Variants in KLHL29 observed in about 807,000 individuals in gnomAD.
KLHL29 encodes the protein kelch-like protein 29.
A neutral mutation model predicts 80.4 loss-of-function variants in KLHL29; 21 were observed. The observed-to-expected ratio is 0.26, with a 90% CI of 0.19 to 0.38. The LOEUF (loss-of-function observed/expected upper bound fraction) is 0.38. KLHL29 is among the 10% of genes least tolerant of loss of function. KLHL29 has a pLI of 1.00. For synonymous variants in KLHL29, 511 were observed against 526.8 expected (o/e 0.97, Z 0.41); for missense variants, 867 against 1,223.9 (o/e 0.71, Z 4.35).
intron 2 of KLHL29, among the ~76,000 whole-genome samples, chr2:23,506,331 T>C (rs1006271349): frequency 7.2e-5 from 11 of 152,118 alleles, no homozygotes; most frequent in Admixed American, 7.2e-4. Flanking sequence ...ACAGATTTGA[T>C]AGAGACACAT....
At position 23,669,966 on chromosome 2, in the gene KLHL29, CAGA is replaced by C. The variant is rs1670665046; in HGVS notation, c.941-14430_941-14428del. 6.6e-6 allele frequency among the ~76,000 whole-genome samples: 1 copy of C among 152,094 alleles called. No homozygotes were observed. The highest frequency in any genetic ancestry group is 1.5e-5 in the Non-Finnish European group (1 of 68,032). ...AAGCAGAGAGGGGTGTCAGTAAAGCCAGAAGCTCAGCTGAAATGGTAGGGACCC... is the reference window on the plus strand; with the variant it reads ...AAGCAGAGAGGGGTGTCAGTAAAGCCAGCTCAGCTGAAATGGTAGGGACCC... On this transcript the variant is annotated intron_variant, in intron 5 of 13. Coordinates refer to ENST00000486442, the MANE Select transcript of KLHL29 (RefSeq NM_052920.2). The surrounding 1 kb of genome is among the most constrained non-coding windows in gnomAD (Gnocchi z 4.3).
At chr2:23,495,927 C>G (rs1665248409) in intron 2 of KLHL29, among the ~76,000 whole-genome samples, 1 of 152,234 alleles carries the variant, frequency 6.6e-6, no homozygotes, top group Non-Finnish European at 1.5e-5. Flanking sequence ...GCTGTTCTTC[C>G]CCCACTGCTT....
At chr2:23,408,530 A>G (rs888539024) in intron 1 of KLHL29, among the ~76,000 whole-genome samples, 3 of 152,100 alleles carry the variant, frequency 2.0e-5, no homozygotes, top group African/African-American at 7.2e-5. Context: ...CTTCATTCCT[A>G]TATGTTACAT....
chr2:23,417,764 T>G (rs1282649938), intron 1 of KLHL29, among the ~76,000 whole-genome samples: 1 of 152,162 alleles, frequency 6.6e-6, no homozygotes, highest in Admixed American at 6.5e-5. Flanking sequence ...TCTGCTGAAG[T>G]GCTTGCAGTT....
chr2:23,512,169 G>C (rs1665791471), intron 2 of KLHL29, among the ~76,000 whole-genome samples: 1 of 152,148 alleles, frequency 6.6e-6, no homozygotes, highest in Admixed American at 6.5e-5. Flanking sequence ...TAATAGGCCG[G>C]ACGCGGTGGC....
At chr2:23,566,471 C>A (rs185731796) in intron 3 of KLHL29, among the ~76,000 whole-genome samples, 2 of 152,352 alleles carry the variant, frequency 1.3e-5, no homozygotes, top group African/African-American at 2.4e-5. Context: ...ACCATGGTAA[C>A]CATGATTGCA....
At position 23,424,680 on chromosome 2, in the gene KLHL29, G is replaced by GGT. The variant is rs996853206; in HGVS notation, c.-154+38904_-154+38905dup. On this transcript the variant is annotated intron_variant, in intron 1 of 13. Coordinates refer to ENST00000486442, the MANE Select transcript of KLHL29 (RefSeq NM_052920.2). ...ACATCAAATGAGAGGAAGAAAGAAG[G>GGT]GTGTGGGGGGCAGATAATACAGAGA... 1.3e-5 allele frequency among the ~76,000 whole-genome samples: 2 copies of GGT among 152,012 alleles called. 1 individual carries two copies. The highest frequency in any genetic ancestry group is 2.9e-5 in the Non-Finnish European group (2 of 68,002).
At chr2:23,477,343 A>G (rs1664666375) in intron 2 of KLHL29, among the ~76,000 whole-genome samples, 2 of 152,258 alleles carry the variant, frequency 1.3e-5, no homozygotes, top group African/African-American at 4.8e-5. Flanking sequence ...ACTCAGAGAC[A>G]TTGAGGTTGG....
intron 3 of KLHL29, among the ~76,000 whole-genome samples, chr2:23,584,172 A>C (rs889282577): frequency 1.3e-5 from 2 of 152,186 alleles, no homozygotes; most frequent in Non-Finnish European, 2.9e-5. Flanking sequence ...CCGGCCTCCC[A>C]GGTCTGTGCC....
chr2:23,453,774 A>G (rs984448099), intron 1 of KLHL29, among the ~76,000 whole-genome samples: 4 of 152,236 alleles, frequency 2.6e-5, no homozygotes, highest in Non-Finnish European at 4.4e-5. Flanking sequence ...CAAGATCATA[A>G]AATAAGAGGG....
intron 1 of KLHL29, among the ~76,000 whole-genome samples, chr2:23,427,690 T>C (rs1438568480): frequency 3.9e-5 from 6 of 152,248 alleles, no homozygotes; most frequent in African/African-American, 1.4e-4. Context: ...ATAGTAATTT[T>C]GGGGTCTATT....
chr2:23,625,410 G>A (rs1669283559), intron 3 of KLHL29, among the ~76,000 whole-genome samples: 1 of 152,342 alleles, frequency 6.6e-6, no homozygotes, highest in African/African-American at 2.4e-5. Context: ...AATTGCACAG[G>A]GGCACGGTGG....
rs6724263 is a variant in KLHL29, at chr2:23,508,820, A to G, written c.-46+33153A>G. ...AACATCTATCCCTGATTGCAGGGACATTTAACATAAAGCACAGCCTAGCAC... is the reference window on the plus strand; with the variant it reads ...AACATCTATCCCTGATTGCAGGGACGTTTAACATAAAGCACAGCCTAGCAC... On this transcript the variant is annotated intron_variant, in intron 2 of 13. Transcript: ENST00000486442. Among the ~76,000 whole-genome samples the G allele has an allele frequency of 8.3e-3, 1,271 of 152,326 alleles. 19 individuals are homozygous for G. Among genetic ancestry groups the G allele is most frequent in the African/African-American group, 0.029 (1,209 of 41,572 alleles).
chr2:23,428,559 G>C (rs1167565174), intron 1 of KLHL29, among the ~76,000 whole-genome samples: 4 of 152,088 alleles, frequency 2.6e-5, no homozygotes, highest in Non-Finnish European at 4.4e-5. Context: ...CATACAGGTC[G>C]TCAGTCCCTT....
chr2:23,559,735 G>T (rs925820901), intron 2 of KLHL29, among the ~76,000 whole-genome samples: 2 of 152,096 alleles, frequency 1.3e-5, no homozygotes, highest in Non-Finnish European at 2.9e-5. Flanking sequence ...GGGAGGTGGG[G>T]GTGGTGCTTA....
chr2:23,533,910 A>G (rs995233213), intron 2 of KLHL29, among the ~76,000 whole-genome samples: 3 of 151,170 alleles, frequency 2.0e-5, no homozygotes, highest in Non-Finnish European at 4.4e-5. Flanking sequence ...TTTTAAATAC[A>G]TGAGACTTTC....
At chr2:23,404,874 C>G (rs1202742216) in intron 1 of KLHL29, among the ~76,000 whole-genome samples, 3 of 152,174 alleles carry the variant, frequency 2.0e-5, no homozygotes, top group Admixed American at 6.5e-5. Flanking sequence ...ATTGTCGACC[C>G]CATCCATAAC....
intron 1 of KLHL29, among the ~76,000 whole-genome samples, chr2:23,406,954 A>G (rs1240202541): frequency 6.6e-6 from 1 of 152,220 alleles, no homozygotes; most frequent in Non-Finnish European, 1.5e-5. Flanking sequence ...ACATTTTAGA[A>G]TCTATTATTT....
At position 23,597,295 on chromosome 2, in the gene KLHL29, T is replaced by TA. The variant is rs36126326; in HGVS notation, c.285+34814_285+34815insA. On this transcript the variant is annotated intron_variant, in intron 3 of 13. Coordinates refer to ENST00000486442, the MANE Select transcript of KLHL29 (RefSeq NM_052920.2). The stretch of plus-strand genomic sequence containing the variant: ...CGCTCTCAATCTATCTCTCTCTCTC[T>TA]CATATATATATATATGTGTGTGTGT... 3.5e-3 allele frequency among the ~76,000 whole-genome samples: 391 copies of TA among 111,752 alleles called. 4 individuals carry two copies. The highest frequency in any genetic ancestry group is 4.4e-3 in the Middle Eastern group (1 of 228). The allele number at this position is 111,752 out of a possible 152,430, so 73.3% of individuals were successfully genotyped here.
Sources: allele counts gnomAD v4.1 joint callset (sites outside exome capture counted in the v4.1 genomes callset), GRCh38; gene constraint gnomAD v4.1.1; non-coding constraint Gnocchi (gnomAD v3.1); transcripts MANE v1.5; gene names NCBI Gene and HGNC (gene_info 2026-07-23, HGNC 2026-07-21).